The following PAG1 variants were observed in gnomAD, a reference collection of about 807,000 sequenced individuals.
PAG1 encodes phosphoprotein membrane anchor with glycosphingolipid microdomains 1, also known as phosphoprotein associated with glycosphingolipid-enriched microdomains 1.
PAG1 carries 23 observed loss-of-function variants against 31.7 expected under a neutral mutation model. The ratio of observed to expected loss-of-function variants is 0.73; its 90% CI spans 0.52 to 1.03. PAG1 has a LOEUF of 1.03. PAG1 is among the 50% of genes least tolerant of loss of function. The probability of loss-of-function intolerance (pLI) is 0.00; values close to 1 mark genes in which losing one functional copy is unlikely to be tolerated. For synonymous variants in PAG1, 214 were observed against 210.3 expected (o/e 1.02, Z -0.15); for missense variants, 473 against 540.7 (o/e 0.87, Z 1.24).
rs975343100 is a variant in PAG1 at position 80,976,923 on chromosome 8, G to A, written c.937-17C>T. 1.3e-6 allele frequency: 2 copies of A among 1,579,410 alleles called. No homozygotes were observed. The highest frequency in any genetic ancestry group is 8.6e-7 in the Non-Finnish European group (1 of 1,164,332). The stretch of plus-strand genomic sequence containing the variant: ...AGCTGAGATCTAGGAGACAAAGGGA[G>A]AGTTGAATAAACTTCCAGCTGTGAC... On this transcript the variant is annotated splice_polypyrimidine_tract_variant and intron_variant, in intron 8 of 8. Coordinates refer to ENST00000220597, the MANE Select transcript of PAG1 (RefSeq NM_018440.4).
At chr8:80,993,877 A>AT (rs1807614498) in intron 3 of PAG1, among the ~76,000 whole-genome samples, 1 of 152,164 alleles carries the variant, frequency 6.6e-6, no homozygotes, top group Non-Finnish European at 1.5e-5. Context: ...AAGTGCTGGG[A>AT]TTACAGTGTG....
At chr8:81,105,671 C>T (rs1809682499) in intron 1 of PAG1, among the ~76,000 whole-genome samples, 1 of 152,092 alleles carries the variant, frequency 6.6e-6, no homozygotes, top group African/African-American at 2.4e-5. Context: ...CATCATGTTC[C>T]ACCACAATGG....
chr8:81,033,721 G>A (rs1398570505), intron 2 of PAG1, among the ~76,000 whole-genome samples: 1 of 152,202 alleles, frequency 6.6e-6, no homozygotes, highest in Non-Finnish European at 1.5e-5. Context: ...TTCAGGATGT[G>A]TTTTTACCAA....
intron 2 of PAG1, among the ~76,000 whole-genome samples, chr8:81,064,402 C>A (rs1314370020): frequency 1.3e-5 from 2 of 152,134 alleles, no homozygotes; most frequent in Non-Finnish European, 2.9e-5. Flanking sequence ...GCTGAAAACC[C>A]CTGCTCTAAA....
chr8:80,980,415 T>A lies in PAG1; in HGVS notation c.936+20A>T, dbSNP rs1807275124. 1.1e-5 allele frequency: 16 copies of A among 1,488,694 alleles called. No homozygotes were observed. The highest frequency in any genetic ancestry group is 1.5e-5 in the Non-Finnish European group (16 of 1,067,510). The allele number at this position is 1,488,694 out of a possible 1,614,324, so 92.2% of individuals were successfully genotyped here. On this transcript the variant is annotated intron_variant, in intron 8 of 8. Transcript: ENST00000220597. ...ATTCTTTACTACAGTTTTCCCTTTT[T>A]AAAAAGAAACAAAACTTACCTCTTC...
At chr8:81,026,306 C>T (rs1046285760) in intron 3 of PAG1, among the ~76,000 whole-genome samples, 3 of 151,498 alleles carry the variant, frequency 2.0e-5, no homozygotes, top group Non-Finnish European at 4.4e-5. Flanking sequence ...GCAGATAGCA[C>T]CGTTGTACTC....
chr8:80,985,454 G>A (rs546013876), intron 6 of PAG1, 77 bp from the exon 7 acceptor site: 3 of 1,454,250 alleles, frequency 2.1e-6, no homozygotes, highest in Admixed American at 2.3e-5. Flanking sequence ...GTAATATAAA[G>A]TTAGGTTAAA....
chr8:80,988,807 G>A (rs1390529135), intron 5 of PAG1, among the ~76,000 whole-genome samples: 20 of 152,154 alleles, frequency 1.3e-4, no homozygotes. Flanking sequence ...GGGAAGAATG[G>A]CATCAATAGT....
chr8:81,111,324 A>G (rs1159761621), intron 1 of PAG1, among the ~76,000 whole-genome samples: 1 of 152,128 alleles, frequency 6.6e-6, no homozygotes, highest in Non-Finnish European at 1.5e-5. Context: ...TGGAATGAAT[A>G]ATTAGCACGC....
At chr8:81,012,258 G>A (rs1173777223) in intron 3 of PAG1, among the ~76,000 whole-genome samples, 1 of 152,200 alleles carries the variant, frequency 6.6e-6, no homozygotes, top group Non-Finnish European at 1.5e-5. Flanking sequence ...CATATGGAAT[G>A]ACAGTTGGGC....
At chr8:80,978,677 A>C (rs1326471626) in intron 8 of PAG1, among the ~76,000 whole-genome samples, 1 of 152,164 alleles carries the variant, frequency 6.6e-6, no homozygotes, top group Non-Finnish European at 1.5e-5. Context: ...ATTAACTTGC[A>C]ATTTAATATT....
intron 3 of PAG1, among the ~76,000 whole-genome samples, chr8:80,997,278 T>A (rs1487333735): frequency 6.6e-6 from 1 of 152,174 alleles, no homozygotes; most frequent in African/African-American, 2.4e-5. Flanking sequence ...ACATAGAATA[T>A]TATTTCTTCT....
intron 3 of PAG1, among the ~76,000 whole-genome samples, chr8:81,005,718 C>T (rs755163943): frequency 6.6e-6 from 1 of 152,158 alleles, no homozygotes; most frequent in African/African-American, 2.4e-5. Context: ...TGTATCAGAG[C>T]GCGTGTCCTG....
intron 6 of PAG1, among the ~76,000 whole-genome samples, chr8:80,985,625 A>G (rs1389098304): frequency 1.3e-5 from 2 of 152,196 alleles, no homozygotes; most frequent in Non-Finnish European, 2.9e-5. Flanking sequence ...GTAGTTCACA[A>G]TTACTTTCCT....
rs1807163239 is a variant in PAG1, at chr8:80,975,617, TG to T, written c.*926del. On this transcript the variant is annotated 3_prime_UTR_variant, in exon 9 of 9. Transcript: ENST00000220597. The stretch of plus-strand genomic sequence containing the variant: ...ATTCATGTCCACAGCCCTTCAGCGA[TG>T]GATGCATGGCTGCCGTCCAAATATG... The T allele has an allele frequency of 6.6e-6, 1 of 152,178 alleles. No homozygotes were observed. Among genetic ancestry groups the T allele is most frequent in the South Asian group, 2.1e-4 (1 of 4,824 alleles). 9.4% of individuals were successfully genotyped at this position (152,178 alleles called of 1,614,324 possible).
rs943554356 is a variant in PAG1, at chr8:81,105,723, C to T, written c.-234+5868G>A. Among the ~76,000 whole-genome samples, 4 of 152,056 alleles carry T rather than the reference C, an allele frequency of 2.6e-5. No homozygotes were observed. The South Asian group carries it at 6.2e-4, about 24-fold the overall frequency. ...GGTATGGTTTGGGGTGAAAGGATGG[C>T]GTAGGGGGAAGCAACTTTAATAGTA... is the stretch of plus-strand genomic sequence containing the variant. On this transcript the variant is annotated intron_variant, in intron 1 of 8. Transcript: ENST00000220597.
rs1807148141 is a variant in PAG1, at chr8:80,974,670, T to C, written c.*1874A>G. The C allele has an allele frequency of 6.6e-6, 1 of 152,240 alleles. No individual in the cohort carries two copies. Among genetic ancestry groups the C allele is most frequent in the Admixed American group, 6.5e-5 (1 of 15,286 alleles). 9.4% of individuals were successfully genotyped at this position (152,240 alleles called of 1,614,324 possible). The stretch of plus-strand genomic sequence containing the variant: ...CATTCCAGTGAGCTGGTCTCTACAA[T>C]TTTTAAGACACTTCATCCTCCCAAT... On this transcript the variant is annotated 3_prime_UTR_variant, in exon 9 of 9. Coordinates refer to ENST00000220597, the MANE Select transcript of PAG1 (RefSeq NM_018440.4).
At chr8:80,993,415 G>A in intron 3 of PAG1, 108 bp from the exon 4 acceptor site, 1 of 563,666 alleles carries the variant, frequency 1.8e-6, no homozygotes, top group East Asian at 3.1e-5. Context: ...AGGGAAGCGT[G>A]TGCTGGATGC....
intron 2 of PAG1, among the ~76,000 whole-genome samples, chr8:81,049,854 C>T (rs1305578052): frequency 1.3e-5 from 2 of 152,138 alleles, no homozygotes; most frequent in African/African-American, 4.8e-5. Context: ...GCTGGTACTC[C>T]AGTCTAGACT....
Sources: gnomAD v4.1 joint callset for allele counts (sites outside exome capture counted in the v4.1 genomes callset) on GRCh38, gnomAD v4.1.1 for gene constraint, MANE v1.5 for transcripts, NCBI Gene and HGNC (gene_info 2026-07-23, HGNC 2026-07-21) for gene names.